Variants in SAMMSON observed in about 807,000 individuals in gnomAD.
The protein encoded by SAMMSON is long intergenic non-protein coding RNA 1212.
chr3:70,398,737 T>C (rs1364011004), intron 2 of SAMMSON, among the ~76,000 whole-genome samples: 1 of 151,892 alleles, frequency 6.6e-6, no homozygotes, highest in Non-Finnish European at 1.5e-5. Flanking sequence ...AGATAGGGAG[T>C]GTGTGGTAGA....
intron 7 of SAMMSON, chr3:70,302,550 A>C (rs533986333): frequency 6.6e-6 from 1 of 152,292 alleles, no homozygotes; most frequent in South Asian, 2.1e-4. Context: ...ATTCTACTGA[A>C]AATCTCTATT....
At chr3:70,233,704 T>C (rs969930269) in intron 4 of SAMMSON, among the ~76,000 whole-genome samples, 4 of 152,226 alleles carry the variant, frequency 2.6e-5, no homozygotes, top group African/African-American at 9.6e-5. Flanking sequence ...TACTACAGAT[T>C]GACTCAACTT....
intron 3 of SAMMSON, among the ~76,000 whole-genome samples, chr3:70,016,350 T>C (rs999004065): frequency 3.3e-5 from 5 of 152,160 alleles, no homozygotes; most frequent in Admixed American, 1.3e-4. Context: ...CTGTTGTCTG[T>C]ATAAATGTCT....
intron 4 of SAMMSON, among the ~76,000 whole-genome samples, chr3:70,175,930 T>G (rs78311784): frequency 0.032 from 4,823 of 152,146 alleles, 197 homozygotes; most frequent in East Asian, 0.21. Context: ...CCTTTGCACA[T>G]AGTAATTAGG....
chr3:70,213,360 A>G (rs897042292), intron 4 of SAMMSON, among the ~76,000 whole-genome samples: 1 of 152,154 alleles, frequency 6.6e-6, no homozygotes, highest in South Asian at 2.1e-4. Context: ...AAATTATTAG[A>G]TAAGACTTTA....
chr3:70,161,996 T>A (rs974398616), intron 4 of SAMMSON, among the ~76,000 whole-genome samples: 12 of 151,882 alleles, frequency 7.9e-5, no homozygotes, highest in Non-Finnish European at 1.6e-4. Context: ...TGCTCTTTCA[T>A]CTTTAATTTT....
intron 4 of SAMMSON, among the ~76,000 whole-genome samples, chr3:70,138,068 G>T (rs191019023): frequency 1.3e-5 from 2 of 152,232 alleles, no homozygotes; most frequent in African/African-American, 4.8e-5. Context: ...AATAAAAGAC[G>T]TGCACTATTA....
At chr3:70,129,020 A>C (rs1381450756) in intron 4 of SAMMSON, among the ~76,000 whole-genome samples, 1 of 152,210 alleles carries the variant, frequency 6.6e-6, no homozygotes, top group Non-Finnish European at 1.5e-5. Context: ...ATGCATATAA[A>C]TCTTTAACAC....
chr3:70,175,913 C>T (rs751943367), intron 4 of SAMMSON, among the ~76,000 whole-genome samples: 3 of 151,982 alleles, frequency 2.0e-5, no homozygotes, highest in Non-Finnish European at 2.9e-5. Flanking sequence ...ATGGGGCCAC[C>T]GAAACACCTT....
intron 4 of SAMMSON, among the ~76,000 whole-genome samples, chr3:70,073,326 A>G (rs1484015302): frequency 1.3e-5 from 2 of 152,110 alleles, no homozygotes; most frequent in Admixed American, 6.6e-5. Flanking sequence ...ATGAAAAATG[A>G]AATATTCAAG....
chr3:70,118,346 A>G (rs921022836), intron 4 of SAMMSON, among the ~76,000 whole-genome samples: 2 of 152,180 alleles, frequency 1.3e-5, no homozygotes, highest in Admixed American at 6.5e-5. Flanking sequence ...TTGTTGTTAC[A>G]TTGTCTTTAT....
chr3:70,433,598 T>C (rs1701433461), intron 2 of SAMMSON, among the ~76,000 whole-genome samples: 1 of 152,168 alleles, frequency 6.6e-6, no homozygotes, highest in Admixed American at 6.5e-5. Context: ...TTTCCAAGTC[T>C]GTGCTTTGTC....
At chr3:70,030,284 C>T (rs537436510) in intron 3 of SAMMSON, 2 of 152,266 alleles carry the variant, frequency 1.3e-5, no homozygotes, top group East Asian at 3.9e-4. Context: ...GATTGAGAGA[C>T]TGGGAACTAG....
chr3:70,291,669 A>G (rs1052306636), intron 7 of SAMMSON, among the ~76,000 whole-genome samples: 3 of 152,194 alleles, frequency 2.0e-5, no homozygotes, highest in Non-Finnish European at 2.9e-5. Context: ...CAGATTTGCT[A>G]GCTTTTTCCC....
intron 4 of SAMMSON, among the ~76,000 whole-genome samples, chr3:70,131,272 G>C (rs971174238): frequency 1.3e-5 from 2 of 152,138 alleles, no homozygotes; most frequent in Admixed American, 6.5e-5. Context: ...CTAAAAGCAG[G>C]ATGCTTTTGA....
chr3:70,404,359 T>C (rs1701163681), intron 2 of SAMMSON, among the ~76,000 whole-genome samples: 1 of 152,160 alleles, frequency 6.6e-6, no homozygotes, highest in African/African-American at 2.4e-5. Flanking sequence ...AAAACATTAA[T>C]GGACATTATA....
At chr3:70,352,973 T>A (rs1257611823) in intron 7 of SAMMSON, among the ~76,000 whole-genome samples, 2 of 151,996 alleles carry the variant, frequency 1.3e-5, no homozygotes, top group Admixed American at 6.6e-5. Flanking sequence ...AACAATTCAA[T>A]GGAACAAAAA....
chr3:70,021,856 G>A (rs1309683466), intron 3 of SAMMSON, among the ~76,000 whole-genome samples: 3 of 152,050 alleles, frequency 2.0e-5, no homozygotes, highest in Non-Finnish European at 2.9e-5. Flanking sequence ...GAGACTTATT[G>A]CTATGCATAG....
At chr3:70,068,135 A>G (rs1284056848) in intron 3 of SAMMSON, 2 of 152,022 alleles carry the variant, frequency 1.3e-5, no homozygotes, top group Non-Finnish European at 2.9e-5. Context: ...GGCCAAACTA[A>G]GAATAACTCT....
Sources: gnomAD v4.1 joint callset for allele counts (sites outside exome capture counted in the v4.1 genomes callset) on GRCh38, gnomAD v4.1.1 for gene constraint, MANE v1.5 for transcripts, NCBI Gene and HGNC (gene_info 2026-07-23, HGNC 2026-07-21) for gene names.